SEMA3E: variants seen among roughly 807,000 people sequenced by gnomAD.
The protein encoded by SEMA3E is semaphorin 3E, also known as semaphorin-3E.
A neutral mutation model predicts 93.6 loss-of-function variants in SEMA3E; 49 were observed. That is an observed-to-expected ratio of 0.52 (90% confidence interval 0.42 to 0.66). The LOEUF (loss-of-function observed/expected upper bound fraction) is 0.66. Among genes scored for constraint, SEMA3E ranks in the 30% least tolerant of loss-of-function variants. SEMA3E has a pLI of 0.00. For missense variants in SEMA3E, 906 were observed against 964.8 expected, an observed-to-expected ratio of 0.94 and a Z score of 0.81; for synonymous variants, 363 against 330.7, an observed-to-expected ratio of 1.10 and a Z score of -1.06.
At chr7:83,543,138 G>C (rs916175402) in intron 1 of SEMA3E, among the ~76,000 whole-genome samples, 1 of 151,976 alleles carries the variant, frequency 6.6e-6, no homozygotes, top group Non-Finnish European at 1.5e-5. Flanking sequence ...AGTAAGTGAT[G>C]GTTATTATTA....
intron 1 of SEMA3E, among the ~76,000 whole-genome samples, chr7:83,525,145 C>T (rs1791129112): frequency 6.6e-6 from 1 of 152,044 alleles, no homozygotes. Flanking sequence ...ATACAGAATT[C>T]TATATTGGAA....
chr7:83,387,882 A>ATATATATAACATTATATATATGTT (rs1787914411), intron 14 of SEMA3E, among the ~76,000 whole-genome samples: 2 of 142,822 alleles, frequency 1.4e-5, no homozygotes, highest in African/African-American at 5.4e-5. Flanking sequence ...ATATATGTTT[A>ATATATATAACATTATATATATGTT]TATATATATA....
chr7:83,441,815 T>C (rs998023606), intron 4 of SEMA3E, among the ~76,000 whole-genome samples: 1 of 152,166 alleles, frequency 6.6e-6, no homozygotes, highest in African/African-American at 2.4e-5. Flanking sequence ...CTGTCATCAG[T>C]TTGGATTGCG....
intron 2 of SEMA3E, among the ~76,000 whole-genome samples, chr7:83,473,233 C>A (rs1789940574): frequency 6.6e-6 from 1 of 152,130 alleles, no homozygotes; most frequent in South Asian, 2.1e-4. Context: ...TTACAAACAG[C>A]TTCTTTCTCC....
At chr7:83,411,590 T>G (rs957660558) in intron 5 of SEMA3E, among the ~76,000 whole-genome samples, 1 of 151,966 alleles carries the variant, frequency 6.6e-6, no homozygotes, top group South Asian at 2.1e-4. Flanking sequence ...TAATAAAACC[T>G]TAGGTAAAAT....
At chr7:83,368,566 A>G (rs778727864) in intron 16 of SEMA3E, among the ~76,000 whole-genome samples, 33 of 152,180 alleles carry the variant, frequency 2.2e-4, no homozygotes, top group Non-Finnish European at 4.1e-4. Flanking sequence ...TTACAAAAAA[A>G]TTCATCAGTT....
At chr7:83,435,496 C>T (rs1427777451) in intron 4 of SEMA3E, among the ~76,000 whole-genome samples, 2 of 151,698 alleles carry the variant, frequency 1.3e-5, no homozygotes, top group African/African-American at 2.4e-5. Flanking sequence ...CCCAGGAGGC[C>T]GAGGCAGGAG....
intron 4 of SEMA3E, among the ~76,000 whole-genome samples, chr7:83,439,097 T>C (rs1002082997): frequency 6.6e-6 from 1 of 152,184 alleles, no homozygotes; most frequent in African/African-American, 2.4e-5. Context: ...TAGTCTCGTT[T>C]TAGTATGCAG....
intron 1 of SEMA3E, among the ~76,000 whole-genome samples, chr7:83,616,926 C>T (rs543516016): frequency 3.3e-3 from 495 of 151,966 alleles, no homozygotes; most frequent in African/African-American, 0.011. Context: ...GGTTTCACCA[C>T]GTTGGCCAGG....
In SEMA3E at chr7:83,365,010, C is replaced by T. The variant is rs181734326; in HGVS notation, c.*2576G>A. 3 of 152,232 alleles carry T rather than the reference C, an allele frequency of 2.0e-5. No homozygotes were observed. Among genetic ancestry groups the T allele is most frequent in the Non-Finnish European group, 4.4e-5 (3 of 68,030 alleles). 9.4% of individuals were successfully genotyped at this position (152,232 alleles called of 1,614,324 possible). On this transcript the variant is annotated 3_prime_UTR_variant, in exon 17 of 17. Coordinates refer to ENST00000643230, the MANE Select transcript of SEMA3E (RefSeq NM_012431.3). ...GATTCTGAATTTGAATTAATTCTAA[C>T]CTCAGACAGAACAAAAGACTGGGGA...
chr7:83,609,056 T>C (rs42028), intron 1 of SEMA3E, among the ~76,000 whole-genome samples: 95,421 of 151,884 alleles, frequency 0.63, 30,616 homozygotes, highest in African/African-American at 0.77. Context: ...ATAATTTAAA[T>C]AGTGTTATAT....
At chr7:83,474,433 A>G (rs935119815) in intron 2 of SEMA3E, among the ~76,000 whole-genome samples, 2 of 152,226 alleles carry the variant, frequency 1.3e-5, no homozygotes, top group African/African-American at 4.8e-5. Flanking sequence ...TTTTACTAAC[A>G]ATATTCAGCA....
chr7:83,454,341 G>A (rs1211034938), intron 4 of SEMA3E, among the ~76,000 whole-genome samples: 1 of 72,536 alleles, frequency 1.4e-5, no homozygotes, highest in Non-Finnish European at 3.3e-5. Context: ...ATAAATAACA[G>A]AAACTTTAAA....
chr7:83,432,345 A>G (rs1163027929), intron 4 of SEMA3E, among the ~76,000 whole-genome samples: 3 of 152,062 alleles, frequency 2.0e-5, no homozygotes, highest in East Asian at 1.9e-4. Flanking sequence ...AGTTATTACT[A>G]TTAACATAAT....
At chr7:83,573,466 A>G (rs185770849) in intron 1 of SEMA3E, among the ~76,000 whole-genome samples, 1 of 152,112 alleles carries the variant, frequency 6.6e-6, no homozygotes, top group Non-Finnish European at 1.5e-5. Context: ...GGAAATATTG[A>G]TATTGTCCAG....
At chr7:83,544,493 T>G (rs1791604220) in intron 1 of SEMA3E, among the ~76,000 whole-genome samples, 1 of 152,154 alleles carries the variant, frequency 6.6e-6, no homozygotes, top group Non-Finnish European at 1.5e-5. Context: ...GTTTCTGCTG[T>G]ATTGTGTTCC....
chr7:83,521,150 C>T (rs1791039943), intron 1 of SEMA3E, among the ~76,000 whole-genome samples: 1 of 151,530 alleles, frequency 6.6e-6, no homozygotes, highest in Non-Finnish European at 1.5e-5. Context: ...TTATGGGGAC[C>T]TCTGTAGGAG....
At chr7:83,542,483 A>C (rs1171598116) in intron 1 of SEMA3E, among the ~76,000 whole-genome samples, 1 of 152,184 alleles carries the variant, frequency 6.6e-6, no homozygotes, top group African/African-American at 2.4e-5. Context: ...AAAGTCTTAC[A>C]ATTTAAAATA....
intron 1 of SEMA3E, among the ~76,000 whole-genome samples, chr7:83,619,467 C>T (rs1584368648): frequency 6.6e-6 from 1 of 151,828 alleles, no homozygotes; most frequent in East Asian, 1.9e-4. Flanking sequence ...AATGTGATCC[C>T]TTGAGCTACA....
Sources: allele counts gnomAD v4.1 joint callset (sites outside exome capture counted in the v4.1 genomes callset), GRCh38; gene constraint gnomAD v4.1.1; transcripts MANE v1.5; gene names NCBI Gene and HGNC (gene_info 2026-07-23, HGNC 2026-07-21).